The following KCNMA1 variants were observed in gnomAD, a reference collection of about 807,000 sequenced individuals.
KCNMA1 encodes the protein potassium calcium-activated channel subfamily M alpha 1.
A neutral mutation model predicts 140.0 loss-of-function variants in KCNMA1; 29 were observed. That is an observed-to-expected ratio of 0.21 (90% CI 0.15 to 0.28). The LOEUF (loss-of-function observed/expected upper bound fraction) is 0.28, where lower values mean the gene tolerates loss of function less well. KCNMA1 is among the 10% of genes least tolerant of loss of function. The pLI is 1.00. For missense variants in KCNMA1, 880 were observed against 1,602.2 expected (o/e 0.55, Z 7.70); for synonymous variants, 612 against 611.9 (o/e 1.00, Z 0.00).
chr10:76,918,764 A>G (rs928610714), intron 23 of KCNMA1, among the ~76,000 whole-genome samples: 1 of 152,198 alleles, frequency 6.6e-6, no homozygotes, highest in Non-Finnish European at 1.5e-5. Context: ...AAAAGAAGTC[A>G]TTATTCGAAA....
intron 1 of KCNMA1, 117 bp from the exon 2 acceptor site, chr10:77,404,140 A>T (rs887957413): frequency 8.7e-6 from 8 of 917,768 alleles, no homozygotes; most frequent in Non-Finnish European, 1.4e-5. Flanking sequence ...AACTAGCTTA[A>T]AGGTATAGGA....
intron 1 of KCNMA1, among the ~76,000 whole-genome samples, chr10:77,520,048 G>A (rs2052429282): frequency 3.0e-5 from 1 of 33,294 alleles, no homozygotes; most frequent in Non-Finnish European, 6.5e-5. Context: ...TGTGCAGTGT[G>A]AGGGTGTGCA....
intron 23 of KCNMA1, among the ~76,000 whole-genome samples, chr10:76,941,730 C>T (rs913950947): frequency 6.6e-6 from 1 of 152,160 alleles, no homozygotes; most frequent in Non-Finnish European, 1.5e-5. Context: ...GAAACACATC[C>T]TTTGCCTTCT....
At chr10:77,302,227 C>T (rs938519) in intron 2 of KCNMA1, among the ~76,000 whole-genome samples, 54,944 of 151,944 alleles carry the variant, frequency 0.36, 11,411 homozygotes, top group African/African-American at 0.55. Flanking sequence ...GCTCCCAATC[C>T]ATGGATCCAG....
chr10:77,557,841 G>T (rs994394429), intron 1 of KCNMA1, among the ~76,000 whole-genome samples: 1 of 151,906 alleles, frequency 6.6e-6, no homozygotes, highest in Admixed American at 6.6e-5. Context: ...GTAGAGACAG[G>T]GTTTCACCAT....
At chr10:77,044,580 T>G (rs1407782994) in intron 14 of KCNMA1, among the ~76,000 whole-genome samples, 4 of 152,114 alleles carry the variant, frequency 2.6e-5, no homozygotes, top group Non-Finnish European at 1.5e-5. Context: ...GCACAGGAGT[T>G]CAAGGCTGCA....
At chr10:77,174,359 T>C (rs1018222492) in intron 5 of KCNMA1, among the ~76,000 whole-genome samples, 1 of 152,234 alleles carries the variant, frequency 6.6e-6, no homozygotes, top group Non-Finnish European at 1.5e-5. Context: ...GCTTCCACTA[T>C]GTGCAAGAGT....
chr10:77,108,419 A>T lies in KCNMA1; in HGVS notation c.1223+62T>A. On this transcript the variant is annotated intron_variant, in intron 9 of 27. Transcript: ENST00000286628. The surrounding 1 kb of genome is among the most constrained non-coding windows in gnomAD (Gnocchi z 4.6). ...AAGAAACAAGAGCCAAAAAAAAAAA[A>T]AAATGGCATGCAGAGAGGATTCTAC... is the stretch of plus-strand genomic sequence containing the variant. 6.5e-7 allele frequency: 1 copy of T among 1,536,220 alleles called. No homozygotes were observed.
rs1013113659 is a variant in KCNMA1, at chr10:77,408,201, G to A, written c.379-4178C>T. 3.9e-5 allele frequency among the ~76,000 whole-genome samples: 6 copies of A among 152,162 alleles called. No homozygotes were observed. In the East Asian group the frequency reaches 1.2e-3, roughly 29 times the overall value. ...TCCTGAGTCCCAGCATTCCGTTCTT[G>A]CTCCTGGCCCCACAGGATACTGCCT... is the stretch of plus-strand genomic sequence containing the variant. On this transcript the variant is annotated intron_variant, in intron 1 of 27. Coordinates refer to ENST00000286628, the MANE Select transcript of KCNMA1 (RefSeq NM_001161352.2).
chr10:77,160,760 G>A (rs981671690), intron 5 of KCNMA1, among the ~76,000 whole-genome samples: 1 of 152,222 alleles, frequency 6.6e-6, no homozygotes, highest in African/African-American at 2.4e-5. Context: ...GAAATGTCAT[G>A]TCTTATAAAT....
At chr10:77,074,868 G>T (rs1048526665) in intron 13 of KCNMA1, among the ~76,000 whole-genome samples, 5 of 152,114 alleles carry the variant, frequency 3.3e-5, no homozygotes, top group African/African-American at 1.2e-4. Context: ...TTATTTCTCT[G>T]CACATCTCAG....
chr10:77,191,053 A>G (rs1184903954), intron 3 of KCNMA1, among the ~76,000 whole-genome samples: 1 of 152,184 alleles, frequency 6.6e-6, no homozygotes, highest in African/African-American at 2.4e-5. Flanking sequence ...ATGGATATGG[A>G]TTTTTATGGA....
intron 25 of KCNMA1, among the ~76,000 whole-genome samples, chr10:76,906,023 A>G (rs767678898): frequency 6.6e-6 from 1 of 152,224 alleles, no homozygotes; most frequent in Non-Finnish European, 1.5e-5. Context: ...ACCCTGTGAC[A>G]TAGGTACTAT....
intron 1 of KCNMA1, among the ~76,000 whole-genome samples, chr10:77,468,343 C>T (rs1056687275): frequency 1.3e-5 from 2 of 152,132 alleles, no homozygotes; most frequent in African/African-American, 4.8e-5. Flanking sequence ...CCCCTCTGTG[C>T]CTATTAAGGG....
chr10:77,196,931 A>C (rs1321807565), intron 3 of KCNMA1, among the ~76,000 whole-genome samples: 1 of 152,214 alleles, frequency 6.6e-6, no homozygotes, highest in African/African-American at 2.4e-5. Context: ...TGTGTTTTAT[A>C]AAAGTCCATT....
rs920571452 is a variant in KCNMA1 at position 77,108,912 on chromosome 10, A to G, written c.1132-340T>C. ...GGGACATGCTAGTGAAACTAAACAC[A>G]CACAGACACATGTGTGCATGCACAG... On this transcript the variant is annotated intron_variant, in intron 8 of 27. Coordinates refer to ENST00000286628, the MANE Select transcript of KCNMA1 (RefSeq NM_001161352.2). This position sits in a 1 kb window ranked among gnomAD's most constrained non-coding sequence, Gnocchi z 4.6. 5.9e-5 allele frequency among the ~76,000 whole-genome samples: 9 copies of G among 152,234 alleles called. No individual in the cohort carries two copies. The highest frequency in any genetic ancestry group is 1.3e-4 in the Non-Finnish European group (9 of 68,044).
At chr10:76,937,411 C>T (rs2060844588) in intron 23 of KCNMA1, among the ~76,000 whole-genome samples, 1 of 152,226 alleles carries the variant, frequency 6.6e-6, no homozygotes, top group African/African-American at 2.4e-5. Flanking sequence ...CACATTCCCT[C>T]CTATCCCAAC....
At chr10:77,465,743 C>A (rs1327506514) in intron 1 of KCNMA1, among the ~76,000 whole-genome samples, 1 of 152,198 alleles carries the variant, frequency 6.6e-6, no homozygotes, top group Non-Finnish European at 1.5e-5. Flanking sequence ...GGAATATTCT[C>A]TTCCTTTATA....
intron 1 of KCNMA1, among the ~76,000 whole-genome samples, chr10:77,489,538 C>T (rs1431570986): frequency 6.6e-6 from 1 of 152,102 alleles, no homozygotes; most frequent in Non-Finnish European, 1.5e-5. Flanking sequence ...AGGGTTTCAC[C>T]ACATTGACCA....
Sources: allele counts gnomAD v4.1 joint callset (sites outside exome capture counted in the v4.1 genomes callset), GRCh38; gene constraint gnomAD v4.1.1; non-coding constraint Gnocchi (gnomAD v3.1); transcripts MANE v1.5; gene names NCBI Gene and HGNC (gene_info 2026-07-23, HGNC 2026-07-21).